TXNL1: variants seen among roughly 807,000 people sequenced by gnomAD.
TXNL1 encodes thioredoxin-like protein 1.
In TXNL1, 14 loss-of-function variants were observed where a neutral mutation model predicts 35.5. That is an observed-to-expected ratio of 0.39 (90% confidence interval 0.26 to 0.62). The LOEUF (loss-of-function observed/expected upper bound fraction) is 0.62. Ranked by LOEUF, TXNL1 falls within the 20% of genes least tolerant of loss-of-function variation. TXNL1 has a pLI of 0.47. For missense variants in TXNL1, 263 were observed against 349.7 expected, an observed-to-expected ratio of 0.75 and a Z score of 1.98; for synonymous variants, 110 against 115.5, an observed-to-expected ratio of 0.95 and a Z score of 0.31.
At chr18:56,628,628 G>A (rs1177405853) in intron 1 of TXNL1, among the ~76,000 whole-genome samples, 1 of 152,088 alleles carries the variant, frequency 6.6e-6, no homozygotes, top group Non-Finnish European at 1.5e-5. Context: ...CCAATCAATG[G>A]TATCAGAAAT....
At chr18:56,616,457 G>T (rs1201421456) in intron 4 of TXNL1, 143 bp from the exon 5 acceptor site, 7 of 661,764 alleles carry the variant, frequency 1.1e-5, no homozygotes, top group Non-Finnish European at 1.8e-5. Context: ...TGAAAAATCA[G>T]CAAGTGGAGA....
rs1323571140 is a variant in TXNL1 at position 56,600,632 on chromosome 18, G to A, written c.*2395C>T. ...CAGGTTTCAACTCTAATTGTTACGT[G>A]GCTGCCTCCAACAGTATATTGAGAC... On this transcript the variant is annotated 3_prime_UTR_variant, in exon 8 of 8. Coordinates refer to ENST00000217515, the MANE Select transcript of TXNL1 (RefSeq NM_004786.3). 6.7e-6 allele frequency: 1 copy of A among 150,294 alleles called. No homozygotes were observed. Among genetic ancestry groups the A allele is most frequent in the Non-Finnish European group, 1.5e-5 (1 of 67,776 alleles). 9.3% of individuals were successfully genotyped at this position (150,294 alleles called of 1,614,324 possible). A position where few individuals can be genotyped will look rare whatever the true frequency, so the allele number is the denominator to read the frequency against.
intron 7 of TXNL1, chr18:56,610,335 G>A (rs2023970122): frequency 6.6e-6 from 1 of 152,314 alleles, no homozygotes; most frequent in African/African-American, 2.4e-5. Context: ...ATTAGAAGTC[G>A]TTCCAGTAAT....
intron 1 of TXNL1, among the ~76,000 whole-genome samples, chr18:56,633,070 C>G (rs911123787): frequency 6.6e-6 from 1 of 152,142 alleles, no homozygotes; most frequent in Non-Finnish European, 1.5e-5. Flanking sequence ...CAAACCCTAA[C>G]AAACTACAAA....
At position 56,597,701 on chromosome 18, in the gene TXNL1, A is replaced by G. The variant is rs775781879; in HGVS notation, c.*5326T>C. 1.3e-5 allele frequency: 2 copies of G among 152,108 alleles called. No individual in the cohort carries two copies. Among genetic ancestry groups the G allele is most frequent in the Admixed American group, 6.6e-5 (1 of 15,260 alleles). 9.4% of individuals were successfully genotyped at this position (152,108 alleles called of 1,614,324 possible). ...ATTCTAAAAATTCCCATTCATATACATATTTCAGTTTTCATCATCTAAACA... is the reference window on the plus strand; with the variant it reads ...ATTCTAAAAATTCCCATTCATATACGTATTTCAGTTTTCATCATCTAAACA... On this transcript the variant is annotated 3_prime_UTR_variant, in exon 8 of 8. Transcript: ENST00000217515.
intron 3 of TXNL1, among the ~76,000 whole-genome samples, chr18:56,623,421 G>A (rs959094689): frequency 4.2e-5 from 5 of 118,644 alleles, no homozygotes; most frequent in Middle Eastern, 4.6e-3. Context: ...GAGGGACTCC[G>A]CCTCAAAAAA....
At chr18:56,628,289 T>C (rs2024318528) in intron 1 of TXNL1, among the ~76,000 whole-genome samples, 1 of 152,152 alleles carries the variant, frequency 6.6e-6, no homozygotes, top group African/African-American at 2.4e-5. Context: ...ATTAACCATT[T>C]TGGAGGGAAA....
At chr18:56,633,213 C>T (rs145820308) in intron 1 of TXNL1, among the ~76,000 whole-genome samples, 32 of 149,612 alleles carry the variant, frequency 2.1e-4, no homozygotes, top group African/African-American at 6.4e-4. Flanking sequence ...TTTGGGAGGC[C>T]GAGGCGGACG....
At position 56,597,566 on chromosome 18, in the gene TXNL1, C is replaced by T. The variant is rs2023760089; in HGVS notation, c.*5461G>A. On this transcript the variant is annotated 3_prime_UTR_variant, in exon 8 of 8. Transcript: ENST00000217515. ...TACTTTATTACCACCTCCTGTTTTT[C>T]CTCCCTTTCCTGTTTACTACTCTAC... The T allele has an allele frequency of 3.3e-5, 5 of 152,110 alleles. No individual in the cohort carries two copies. In the South Asian group the frequency reaches 1.0e-3, roughly 31 times the overall value. The allele number at this position is 152,110 out of a possible 1,614,324, so 9.4% of individuals were successfully genotyped here.
chr18:56,608,029 A>G (rs1598911650), intron 7 of TXNL1, among the ~76,000 whole-genome samples: 2 of 152,204 alleles, frequency 1.3e-5, no homozygotes, highest in East Asian at 3.8e-4. Flanking sequence ...AATACACAGT[A>G]TGTACAGGGT....
At chr18:56,637,314 G>A (rs1007390246) in intron 1 of TXNL1, among the ~76,000 whole-genome samples, 1 of 152,184 alleles carries the variant, frequency 6.6e-6, no homozygotes, top group East Asian at 1.9e-4. Flanking sequence ...GGACAAGAAA[G>A]TGTGTTACAT....
In TXNL1 at chr18:56,599,747, C is replaced by G. The variant is rs1247728750; in HGVS notation, c.*3280G>C. 6.6e-6 allele frequency: 1 copy of G among 151,992 alleles called. No individual in the cohort carries two copies. Among genetic ancestry groups the G allele is most frequent in the African/African-American group, 2.4e-5 (1 of 41,356 alleles). 9.4% of individuals were successfully genotyped at this position (151,992 alleles called of 1,614,324 possible). A position where few individuals can be genotyped will look rare whatever the true frequency, so the allele number is the denominator to read the frequency against. Reference sequence around the variant, plus strand: ...TAATTTTTTGTATTTTTAGTAGAGACAGGGTTTCTCCATGTTAGCCAGGCT... The same window carrying G: ...TAATTTTTTGTATTTTTAGTAGAGAGAGGGTTTCTCCATGTTAGCCAGGCT... On this transcript the variant is annotated 3_prime_UTR_variant, in exon 8 of 8. Coordinates refer to ENST00000217515, the MANE Select transcript of TXNL1 (RefSeq NM_004786.3).
At chr18:56,637,918 T>C (rs2144348169) in intron 1 of TXNL1, among the ~76,000 whole-genome samples, 1 of 152,212 alleles carries the variant, frequency 6.6e-6, no homozygotes, top group East Asian at 1.9e-4. Flanking sequence ...ATGTAGGTGG[T>C]GAAGAGAAAC....
In TXNL1 at chr18:56,602,984, T is replaced by C; in HGVS notation, c.*43A>G. On this transcript the variant is annotated 3_prime_UTR_variant, in exon 8 of 8. Transcript: ENST00000217515. ...GAGAATCAAGCAATTATCCAGGAGC[T>C]GTAGATCTGATTGCAATATGGTTGT... 6.2e-7 allele frequency: 1 copy of C among 1,603,176 alleles called. No individual in the cohort carries two copies. The highest frequency in any genetic ancestry group is 8.5e-7 in the Non-Finnish European group (1 of 1,170,348).
At position 56,626,535 on chromosome 18, in the gene TXNL1, G is replaced by A. The variant is rs533657479; in HGVS notation, c.99-78C>T. 4 of 1,237,274 alleles carry A rather than the reference G, an allele frequency of 3.2e-6. No individual in the cohort carries two copies. In the East Asian group the frequency reaches 9.4e-5, roughly 29 times the overall value. The allele number at this position is 1,237,274 out of a possible 1,614,324, so 76.6% of individuals were successfully genotyped here. The stretch of plus-strand genomic sequence containing the variant: ...GCACTCGTCAATTAAACATAAAATA[G>A]AACAAACACTGATACTGCTGGCTTT... On this transcript the variant is annotated intron_variant, in intron 1 of 7. Coordinates refer to ENST00000217515, the MANE Select transcript of TXNL1 (RefSeq NM_004786.3).
intron 3 of TXNL1, among the ~76,000 whole-genome samples, chr18:56,618,372 T>C (rs1171671340): frequency 2.0e-5 from 3 of 152,192 alleles, no homozygotes; most frequent in South Asian, 2.1e-4. Flanking sequence ...GATTATAAAA[T>C]GTTGACTTAT....
chr18:56,618,167 T>C (rs551726179), intron 3 of TXNL1, 41 bp from the exon 4 acceptor site: 1 of 1,595,476 alleles, frequency 6.3e-7, no homozygotes, highest in East Asian at 2.2e-5. Flanking sequence ...ATATTTGGAT[T>C]AGGTATAAAA....
intron 3 of TXNL1, among the ~76,000 whole-genome samples, chr18:56,619,326 T>A (rs1598917786): frequency 6.6e-6 from 1 of 150,914 alleles, no homozygotes; most frequent in South Asian, 2.1e-4. Context: ...TCGCCTGAGG[T>A]CAGGAGTTTG....
At chr18:56,635,836 T>C (rs1355684336) in intron 1 of TXNL1, among the ~76,000 whole-genome samples, 2 of 152,154 alleles carry the variant, frequency 1.3e-5, no homozygotes, top group African/African-American at 4.8e-5. Context: ...TAATAGAAAA[T>C]GACATGGTAT....
Sources: gnomAD v4.1 joint callset for allele counts (sites outside exome capture counted in the v4.1 genomes callset) on GRCh38, gnomAD v4.1.1 for gene constraint, MANE v1.5 for transcripts, NCBI Gene and HGNC (gene_info 2026-07-23, HGNC 2026-07-21) for gene names.